ZNF609: variants seen among roughly 807,000 people sequenced by gnomAD.
ZNF609 encodes zinc finger protein 609.
Under a neutral mutation model 109.5 loss-of-function variants are expected in ZNF609, and 11 were observed. The ratio of observed to expected loss-of-function variants is 0.10; its 90% CI spans 0.06 to 0.17. The LOEUF is 0.17. ZNF609 is among the 10% of genes least tolerant of loss of function. The pLI is 1.00. For missense variants in ZNF609, 1,559 were observed against 1,772.4 expected (o/e 0.88, Z 2.16); for synonymous variants, 646 against 662.0 (o/e 0.98, Z 0.37).
intron 2 of ZNF609, among the ~76,000 whole-genome samples, chr15:64,527,261 A>G (rs77625505): frequency 6.7e-6 from 1 of 149,038 alleles, no homozygotes; most frequent in Non-Finnish European, 1.5e-5. Flanking sequence ...ACTAACGGCT[A>G]TCTGAGTCGT....
At chr15:64,505,788 A>G (rs1450116236) in intron 2 of ZNF609, among the ~76,000 whole-genome samples, 1 of 152,126 alleles carries the variant, frequency 6.6e-6, no homozygotes, top group Non-Finnish European at 1.5e-5. Context: ...ATTCGGGGCC[A>G]CTTCTCATTT....
chr15:64,473,628 CAG>C (rs1485887862), intron 1 of ZNF609, among the ~76,000 whole-genome samples: 2 of 151,470 alleles, frequency 1.3e-5, no homozygotes, highest in African/African-American at 2.4e-5. Flanking sequence ...TTTTTTGAGA[CAG>C]AGTCTTGCTC....
intron 2 of ZNF609, among the ~76,000 whole-genome samples, chr15:64,614,004 A>C (rs61344589): frequency 0.046 from 6,981 of 151,566 alleles, 527 homozygotes; most frequent in African/African-American, 0.16. Flanking sequence ...GCTCACTGCA[A>C]CCTCTGCCTC....
intron 2 of ZNF609, among the ~76,000 whole-genome samples, chr15:64,620,947 G>A (rs751461769): frequency 4.6e-5 from 7 of 152,180 alleles, no homozygotes; most frequent in Admixed American, 6.5e-5. Context: ...TCAGAGTTTT[G>A]TTGCAGAGCT....
chr15:64,544,872 C>T (rs1894329595), intron 2 of ZNF609, among the ~76,000 whole-genome samples: 1 of 152,242 alleles, frequency 6.6e-6, no homozygotes, highest in Admixed American at 6.5e-5. Flanking sequence ...AGTGCTTTCT[C>T]CTCTGCTGTC....
chr15:64,593,468 G>A (rs1895337478), intron 2 of ZNF609: 3 of 632,486 alleles, frequency 4.7e-6, no homozygotes, highest in East Asian at 2.7e-5. Flanking sequence ...GTGAAATTCT[G>A]ATAACCTTTC....
At chr15:64,672,500 C>A (rs1213315065) in intron 4 of ZNF609, among the ~76,000 whole-genome samples, 3 of 150,188 alleles carry the variant, frequency 2.0e-5, no homozygotes, top group Non-Finnish European at 4.4e-5. Context: ...TGGCTCATGC[C>A]TGTAACCCCA....
At chr15:64,566,838 T>G (rs1042090845) in intron 2 of ZNF609, among the ~76,000 whole-genome samples, 3 of 152,150 alleles carry the variant, frequency 2.0e-5, no homozygotes, top group African/African-American at 7.2e-5. Flanking sequence ...CCTAGGAGAA[T>G]GTAACTCAGT....
intron 3 of ZNF609, among the ~76,000 whole-genome samples, chr15:64,645,728 A>G (rs1896325906): frequency 6.6e-6 from 1 of 152,214 alleles, no homozygotes; most frequent in African/African-American, 2.4e-5. Flanking sequence ...TAAGACTTGA[A>G]TAGACATTTT....
At chr15:64,481,623 T>C (rs1893256364) in intron 1 of ZNF609, among the ~76,000 whole-genome samples, 1 of 151,972 alleles carries the variant, frequency 6.6e-6, no homozygotes, top group South Asian at 2.1e-4. Context: ...AAGAAAGGCA[T>C]CTTTCTAAGA....
intron 2 of ZNF609, among the ~76,000 whole-genome samples, chr15:64,542,616 C>T (rs774735691): frequency 6.6e-6 from 1 of 152,128 alleles, no homozygotes; most frequent in Admixed American, 6.6e-5. Context: ...AGTGATATTC[C>T]GTATCTTGCT....
intron 2 of ZNF609, among the ~76,000 whole-genome samples, chr15:64,622,506 T>C (rs1218673974): frequency 1.3e-5 from 2 of 152,196 alleles, no homozygotes; most frequent in African/African-American, 2.4e-5. Context: ...TTCTCTTTCA[T>C]TAGAGACTTT....
chr15:64,678,409 C>T lies in ZNF609; in HGVS notation c.3696C>T (p.Ser1232=), dbSNP rs772820979. The T allele has an allele frequency of 3.1e-6, 5 of 1,613,184 alleles. No individual in the cohort carries two copies. The African/African-American group carries it at 5.3e-5, about 17-fold the overall frequency. ...QSYIPYMHGY[S]YSQSYDPNHP... ...ACATCCCCTACATGCACGGCTATTC[C>T]TACAGTCAGTCCTACGACCCCAACC... The change falls in exon 6 of 10, where the codon TCC becomes TCT. Residue 1232 remains serine, a synonymous_variant. Coordinates refer to ENST00000326648, the MANE Select transcript of ZNF609 (RefSeq NM_015042.2).
At chr15:64,558,726 T>C (rs1894630225) in intron 2 of ZNF609, among the ~76,000 whole-genome samples, 1 of 152,214 alleles carries the variant, frequency 6.6e-6, no homozygotes, top group African/African-American at 2.4e-5. Context: ...AACTACTCAA[T>C]AAATATTTGT....
At chr15:64,611,755 G>A (rs1399391333) in intron 2 of ZNF609, among the ~76,000 whole-genome samples, 2 of 148,362 alleles carry the variant, frequency 1.3e-5, no homozygotes, top group Non-Finnish European at 3.0e-5. Flanking sequence ...TTTTTGAGAT[G>A]GAGTCTTTTG....
intron 2 of ZNF609, among the ~76,000 whole-genome samples, chr15:64,561,025 C>T (rs1894669857): frequency 6.6e-6 from 1 of 152,182 alleles, no homozygotes; most frequent in South Asian, 2.1e-4. Context: ...CTGACTGCAA[C>T]TGCCTACTTA....
At chr15:64,464,200 C>A (rs926016737) in intron 1 of ZNF609, among the ~76,000 whole-genome samples, 3 of 152,074 alleles carry the variant, frequency 2.0e-5, no homozygotes, top group Non-Finnish European at 4.4e-5. Flanking sequence ...GACTGGAACA[C>A]GATAATTTGT....
chr15:64,464,711 T>C (rs1892986676), intron 1 of ZNF609, among the ~76,000 whole-genome samples: 1 of 152,168 alleles, frequency 6.6e-6, no homozygotes, highest in African/African-American at 2.4e-5. Context: ...GTGATGTTGA[T>C]TGGCAGGTTC....
chr15:64,620,822 G>C (rs1895865240), intron 2 of ZNF609, among the ~76,000 whole-genome samples: 1 of 152,184 alleles, frequency 6.6e-6, no homozygotes, highest in Admixed American at 6.5e-5. Flanking sequence ...CCGGAACCCA[G>C]ACCTCAGCCT....
Sources: allele counts gnomAD v4.1 joint callset (sites outside exome capture counted in the v4.1 genomes callset), GRCh38; gene constraint gnomAD v4.1.1; transcripts MANE v1.5; gene names NCBI Gene and HGNC (gene_info 2026-07-23, HGNC 2026-07-21).